The following KRABD2 variants were observed in gnomAD, a reference collection of about 807,000 sequenced individuals.
KRABD2 encodes KRAB domain-containing protein 2.
chr17:8,363,772 CAT>C, the KRABD2 span, among the ~76,000 whole-genome samples: 29 of 140,948 alleles, frequency 2.1e-4, no homozygotes, highest in South Asian at 4.6e-4. Context: ...ATATATCATA[CAT>C]ATATATGTCA....
chr17:8,361,656 CAA>C, the KRABD2 span, among the ~76,000 whole-genome samples: 2 of 152,146 alleles, frequency 1.3e-5, no homozygotes, highest in East Asian at 3.8e-4. Flanking sequence ...CTCCTGGGCT[CAA>C]GAGATCCTTC....
chr17:8,370,265 T>TA, the KRABD2 span: 1 of 1,613,546 alleles, frequency 6.2e-7, no homozygotes, highest in East Asian at 2.2e-5. Context: ...CTAACTTTGT[T>TA]ACACTCATAA....
chr17:8,360,287 GATAATAATAATGATA>G, the KRABD2 span, among the ~76,000 whole-genome samples: 1 of 151,318 alleles, frequency 6.6e-6, no homozygotes, highest in Non-Finnish European at 1.5e-5. Context: ...AAACCAAAAT[GATAATAATAATGATA>G]ATAATAATAA....
the KRABD2 span, chr17:8,369,538 C>T: frequency 6.2e-7 from 1 of 1,614,136 alleles, no homozygotes; most frequent in Non-Finnish European, 8.5e-7. Flanking sequence ...TCCAGGGAGC[C>T]CTGGCTTTGG....
chr17:8,369,829 T>C, the KRABD2 span: 5 of 1,614,250 alleles, frequency 3.1e-6, no homozygotes, highest in Non-Finnish European at 3.4e-6. Flanking sequence ...ACTTGGCATG[T>C]GGAGTCTATG....
the KRABD2 span, among the ~76,000 whole-genome samples, chr17:8,373,327 G>A: frequency 6.6e-6 from 1 of 152,226 alleles, no homozygotes; most frequent in Non-Finnish European, 1.5e-5. Context: ...CACAGGCGCC[G>A]CCATGCCTGA....
chr17:8,363,414 C>A, the KRABD2 span, among the ~76,000 whole-genome samples: 34 of 152,190 alleles, frequency 2.2e-4, no homozygotes, highest in African/African-American at 7.7e-4. Context: ...TGCAGTGGCA[C>A]GATCTCAGCT....
the KRABD2 span, among the ~76,000 whole-genome samples, chr17:8,361,887 C>A: frequency 4.6e-5 from 7 of 152,222 alleles, no homozygotes; most frequent in Non-Finnish European, 8.8e-5. Flanking sequence ...TTGGACTTGA[C>A]ACTTAGGTTT....
At chr17:8,372,075 C>T in the KRABD2 span, 3 of 985,396 alleles carry the variant, frequency 3.0e-6, no homozygotes, top group East Asian at 1.1e-4. The surrounding 1 kb of genome is among the most constrained non-coding windows in gnomAD (Gnocchi z 4.1). Context: ...AGGGGCAGGG[C>T]AGAATCCTGA....
chr17:8,370,310 C>T, the KRABD2 span: 8 of 1,611,278 alleles, frequency 5.0e-6, no homozygotes, highest in Non-Finnish European at 6.8e-6. Flanking sequence ...TCTCCATTTC[C>T]ATTTCACTTG....
chr17:8,375,515 T>C, the KRABD2 span, among the ~76,000 whole-genome samples: 9 of 146,292 alleles, frequency 6.2e-5, no homozygotes, highest in South Asian at 1.1e-3. Flanking sequence ...ATTTCTAAGC[T>C]TTCAATATCT....
the KRABD2 span, chr17:8,370,360 G>T: frequency 1.3e-6 from 2 of 1,583,432 alleles, no homozygotes; most frequent in African/African-American, 2.7e-5. Flanking sequence ...GCTCTCTGAG[G>T]CATCATGGAG....
the KRABD2 span, chr17:8,359,973 TGAATGACTCACCAAAGTTAG>T: frequency 7.7e-6 from 3 of 387,626 alleles, no homozygotes; most frequent in Non-Finnish European, 1.0e-5. Context: ...ATCTGGCCAC[TGAATGACTCACCAAAGTTAG>T]GAGTGAGCCA....
the KRABD2 span, chr17:8,376,702 T>C: frequency 3.1e-6 from 3 of 982,854 alleles, no homozygotes; most frequent in East Asian, 2.3e-4. Flanking sequence ...GAGCAGCAAC[T>C]CCGCCCCACC....
the KRABD2 span, among the ~76,000 whole-genome samples, chr17:8,361,387 TAA>T: frequency 1.3e-5 from 2 of 152,162 alleles, no homozygotes; most frequent in African/African-American, 2.4e-5. Flanking sequence ...CTGGAAAGAA[TAA>T]GTGACTCTGG....
At chr17:8,374,147 C>T in the KRABD2 span, among the ~76,000 whole-genome samples, 2 of 152,214 alleles carry the variant, frequency 1.3e-5, no homozygotes, top group Non-Finnish European at 1.5e-5. Flanking sequence ...TCATTGAGGA[C>T]GGGCCATGGT....
the KRABD2 span, among the ~76,000 whole-genome samples, chr17:8,365,048 T>A: frequency 2.0e-5 from 3 of 151,344 alleles, no homozygotes; most frequent in East Asian, 3.9e-4. Context: ...AAAAAAAAAA[T>A]TAAAAACATT....
chr17:8,369,241 C>G, the KRABD2 span: 4 of 1,614,206 alleles, frequency 2.5e-6, no homozygotes, highest in Non-Finnish European at 3.4e-6. Context: ...CCAATCTCAG[C>G]CCTTTCTTCC....
At chr17:8,376,659 G>C in the KRABD2 span, 3 of 984,900 alleles carry the variant, frequency 3.0e-6, no homozygotes, top group Non-Finnish European at 3.6e-6. Context: ...CACCAGACGC[G>C]GCGTCTGAAT....
Sources: gnomAD v4.1 joint callset for allele counts (sites outside exome capture counted in the v4.1 genomes callset) on GRCh38, gnomAD v4.1.1 for gene constraint, Gnocchi (gnomAD v3.1) non-coding constraint, MANE v1.5 for transcripts, NCBI Gene and HGNC (gene_info 2026-07-23, HGNC 2026-07-21) for gene names.